Variants in CARS1 observed in about 807,000 individuals in gnomAD.
CARS1 encodes cysteine--tRNA ligase, cytoplasmic.
Under a neutral mutation model 106.2 loss-of-function variants are expected in CARS1, and 48 were observed. The observed-to-expected ratio is 0.45, with a 90% CI of 0.36 to 0.57. The LOEUF is 0.57. Among genes scored for constraint, CARS1 ranks in the 20% least tolerant of loss-of-function variants. The probability of loss-of-function intolerance (pLI) is 0.00; values close to 1 mark genes in which losing one functional copy is unlikely to be tolerated. For synonymous variants in CARS1, 409 were observed against 403.4 expected, an observed-to-expected ratio of 1.01 and a Z score of -0.17; for missense variants, 968 against 1,057.2, an observed-to-expected ratio of 0.92 and a Z score of 1.17.
chr11:3,043,988 G>A lies in CARS1; in HGVS notation c.275-1732C>T, dbSNP rs1375509539. ...AACATCATGTGCTTATTGAGGCCAA[G>A]TGCAGCTCGGCCTCAGTGTACTTTA... On this transcript the variant is annotated intron_variant, in intron 2 of 22. Coordinates refer to ENST00000380525, the MANE Select transcript of CARS1 (RefSeq NM_001014437.3). The surrounding 1 kb of genome is among the most constrained non-coding windows in gnomAD (Gnocchi z 4.0). 2.0e-5 allele frequency among the ~76,000 whole-genome samples: 3 copies of A among 152,212 alleles called. No homozygotes were observed. The highest frequency in any genetic ancestry group is 4.4e-5 in the Non-Finnish European group (3 of 68,046).
In CARS1 at chr11:3,044,429, T is replaced by A. The variant is rs79902717; in HGVS notation, c.275-2173A>T. ...GACCCTTGCCCCCCTTTTTTTTTTT[T>A]AGATAAAATCTGGCTGAAGTGCACT... On this transcript the variant is annotated intron_variant, in intron 2 of 22. Transcript: ENST00000380525. This position sits in a 1 kb window ranked among gnomAD's most constrained non-coding sequence, Gnocchi z 4.4. Among the ~76,000 whole-genome samples the A allele has an allele frequency of 3.3e-5, 5 of 151,640 alleles. No individual in the cohort carries two copies. The highest frequency in any genetic ancestry group is 1.2e-4 in the African/African-American group (5 of 41,034).
At position 3,039,827 on chromosome 11, in the gene CARS1, C is replaced by T. The variant is rs369968438; in HGVS notation, c.552+8G>A. ...CATTTAAAATTTAATCTTACAAATT[C>T]CCTTTACCTTGTCATCAATATCCGT... On this transcript the variant is annotated splice_region_variant and intron_variant, in intron 5 of 22. Coordinates refer to ENST00000380525, the MANE Select transcript of CARS1 (RefSeq NM_001014437.3). The surrounding 1 kb of genome is among the most constrained non-coding windows in gnomAD (Gnocchi z 5.6). The T allele has an allele frequency of 6.7e-5, 95 of 1,409,300 alleles. No homozygotes were observed. Among genetic ancestry groups the T allele is most frequent in the Admixed American group, 1.3e-4 (6 of 47,220 alleles). The allele number at this position is 1,409,300 out of a possible 1,614,324, so 87.3% of individuals were successfully genotyped here. A position where few individuals can be genotyped will look rare whatever the true frequency, so the allele number is the denominator to read the frequency against.
At chr11:3,032,203 G>A (rs558422370) in intron 7 of CARS1, among the ~76,000 whole-genome samples, 71 of 151,906 alleles carry the variant, frequency 4.7e-4, no homozygotes, top group Middle Eastern at 3.4e-3. Context: ...CTCCCGAGTA[G>A]AAGGGATTAC....
At position 3,029,036 on chromosome 11, in the gene CARS1, T is replaced by C; in HGVS notation, c.991A>G (p.Ile331Val). The C allele has an allele frequency of 6.2e-7, 1 of 1,614,022 alleles. No individual in the cohort carries two copies. Among genetic ancestry groups the C allele is most frequent in the Non-Finnish European group, 8.5e-7 (1 of 1,179,944 alleles). Residue 331 changes from isoleucine to valine, a missense_variant, in exon 9 of 23, where the codon ATT becomes GTT. Coordinates refer to ENST00000380525, the MANE Select transcript of CARS1 (RefSeq NM_001014437.3). This position sits in a 1 kb window ranked among gnomAD's most constrained non-coding sequence, Gnocchi z 5.9. The part of the protein sequence containing the change: ...LTRVSEYVPE[I>V]VNFVQKIVDN... ...ACAATCTTCTGGACAAAGTTCACAA[T>C]TTCTGGCACATACTCACTAACCCGG...
In CARS1 at chr11:3,043,131, G is replaced by A. The variant is rs1206280446; in HGVS notation, c.275-875C>T. ...TCCTCCTGGCCAGACTTCCCTAGTT[G>A]TTCCCCTCCACTCGCCTGTGGGCCG... On this transcript the variant is annotated intron_variant, in intron 2 of 22. Transcript: ENST00000380525. This position sits in a 1 kb window ranked among gnomAD's most constrained non-coding sequence, Gnocchi z 4.0. 1.3e-5 allele frequency among the ~76,000 whole-genome samples: 2 copies of A among 152,140 alleles called. No individual in the cohort carries two copies. Among genetic ancestry groups the A allele is most frequent in the Admixed American group, 6.5e-5 (1 of 15,274 alleles).
rs539702382 is a variant in CARS1 at position 3,023,381 on chromosome 11, A to AACAT, written c.1154-3053_1154-3050dup. On this transcript the variant is annotated intron_variant, in intron 10 of 22. Transcript: ENST00000380525. ...CATTCCATTTTTGTCTTGTTATTCA[A>AACAT]ACATACATACATACATACATACATT... Among the ~76,000 whole-genome samples the AACAT allele has an allele frequency of 1.6e-3, 244 of 152,232 alleles. 1 individual carries two copies. Among genetic ancestry groups the AACAT allele is most frequent in the Non-Finnish European group, 1.7e-3 (117 of 68,016 alleles).
rs1406172871 is a variant in CARS1, at chr11:3,052,988, G to C, written c.25+4355C>G. Among the ~76,000 whole-genome samples the C allele has an allele frequency of 6.6e-6, 1 of 152,222 alleles. No homozygotes were observed. The highest frequency in any genetic ancestry group is 1.5e-5 in the Non-Finnish European group (1 of 68,036). On this transcript the variant is annotated intron_variant, in intron 1 of 22. Coordinates refer to ENST00000380525, the MANE Select transcript of CARS1 (RefSeq NM_001014437.3). This position sits in a 1 kb window ranked among gnomAD's most constrained non-coding sequence, Gnocchi z 4.6. ...TTGCAGTTCAGTTCATCAACACATT[G>C]AGGGACATGGGAATGTCCCAAAGGT...
At position 3,048,061 on chromosome 11, in the gene CARS1, G is replaced by C; in HGVS notation, c.26-60C>G. ...CAGGCGGGCAGCCCAGAGGCCGCCA[G>C]AAAGACAGGGACTAGGGGATGGCAC... On this transcript the variant is annotated intron_variant, in intron 1 of 22. Coordinates refer to ENST00000380525, the MANE Select transcript of CARS1 (RefSeq NM_001014437.3). This position sits in a 1 kb window ranked among gnomAD's most constrained non-coding sequence, Gnocchi z 5.1. 6.3e-7 allele frequency: 1 copy of C among 1,583,062 alleles called. No individual in the cohort carries two copies. The highest frequency in any genetic ancestry group is 8.6e-7 in the Non-Finnish European group (1 of 1,161,788).
chr11:3,031,324 C>A (rs552763254), intron 7 of CARS1: 4 of 152,110 alleles, frequency 2.6e-5, no homozygotes, highest in East Asian at 1.9e-4. Flanking sequence ...ACAATGGAAG[C>A]CAGAAGACGG....
intron 17 of CARS1, 50 bp downstream of exon 17, chr11:3,015,731 G>A: frequency 1.3e-6 from 2 of 1,488,458 alleles, no homozygotes; most frequent in Non-Finnish European, 1.9e-6. Context: ...AGAGGGGTAG[G>A]GAGTGGGGAG....
chr11:3,040,882 C>G lies in CARS1; in HGVS notation c.455+14G>C, dbSNP rs770021921. On this transcript the variant is annotated intron_variant, in intron 4 of 22. Coordinates refer to ENST00000380525, the MANE Select transcript of CARS1 (RefSeq NM_001014437.3). This position sits in a 1 kb window ranked among gnomAD's most constrained non-coding sequence, Gnocchi z 5.8. ...AACTGCAGAAGCTGCAGGGACACCC[C>G]GCGGTGGACCTACCTGGCGTGCCCC... 1.2e-6 allele frequency: 2 copies of G among 1,612,460 alleles called. No individual in the cohort carries two copies. The highest frequency in any genetic ancestry group is 1.1e-5 in the South Asian group (1 of 90,786).
chr11:3,037,624 C>A lies in CARS1; in HGVS notation c.801+426G>T, dbSNP rs1239004113. On this transcript the variant is annotated intron_variant, in intron 7 of 22. Coordinates refer to ENST00000380525, the MANE Select transcript of CARS1 (RefSeq NM_001014437.3). The surrounding 1 kb of genome is among the most constrained non-coding windows in gnomAD (Gnocchi z 5.9). ...CAGGAGAGCTGGTCAACGTGAAGGC[C>A]CCAAGCTCAGTAGGTACCCACAGGC... Among the ~76,000 whole-genome samples, 1 of 152,144 alleles carries A rather than the reference C, an allele frequency of 6.6e-6. No individual in the cohort carries two copies. Among genetic ancestry groups the A allele is most frequent in the African/African-American group, 2.4e-5 (1 of 41,424 alleles).
chr11:3,038,208 A>T lies in CARS1; in HGVS notation c.652-9T>A. ...AATTTTACTGAAAATGGCTGCAACC[A>T]TAAAGAGACGTCAAATCTATTAGAT... On this transcript the variant is annotated splice_polypyrimidine_tract_variant and intron_variant, in intron 6 of 22. Transcript: ENST00000380525. This position sits in a 1 kb window ranked among gnomAD's most constrained non-coding sequence, Gnocchi z 4.0. 1 of 1,613,184 alleles carries T rather than the reference A, an allele frequency of 6.2e-7. No homozygotes were observed. Among genetic ancestry groups the T allele is most frequent in the Non-Finnish European group, 8.5e-7 (1 of 1,179,228 alleles).
At chr11:3,007,060 G>T in intron 18 of CARS1, 101 bp from the exon 19 acceptor site, 2 of 933,898 alleles carry the variant, frequency 2.1e-6, no homozygotes, top group Non-Finnish European at 3.4e-6. Context: ...GTGGCCCACA[G>T]AACAAGTGCC....
Position 3,001,258 on chromosome 11 carries a change from C to G in CARS1, c.2362-10G>C. ...CATGTGTGGGCAGACCCTGAAAACC[C>G]AGAGCACAGCGGCTATTGGTCTCCT... On this transcript the variant is annotated splice_polypyrimidine_tract_variant and intron_variant, in intron 22 of 22. Transcript: ENST00000380525. The G allele has an allele frequency of 6.2e-7, 1 of 1,612,780 alleles. No homozygotes were observed. The highest frequency in any genetic ancestry group is 8.5e-7 in the Non-Finnish European group (1 of 1,179,984).
Position 3,003,465 on chromosome 11 carries a change from A to G in CARS1, c.2218-865T>C, listed in dbSNP as rs978220019. Reference sequence around the variant, plus strand: ...TCCTGGCCCAGTGGAGCTATCAGGTAGGCAGCTGGGCAAACTGTTTTTGGG... The same window carrying G: ...TCCTGGCCCAGTGGAGCTATCAGGTGGGCAGCTGGGCAAACTGTTTTTGGG... On this transcript the variant is annotated intron_variant, in intron 20 of 22. Coordinates refer to ENST00000380525, the MANE Select transcript of CARS1 (RefSeq NM_001014437.3). This position sits in a 1 kb window ranked among gnomAD's most constrained non-coding sequence, Gnocchi z 4.8. 2.0e-5 allele frequency among the ~76,000 whole-genome samples: 3 copies of G among 152,198 alleles called. No homozygotes were observed. The highest frequency in any genetic ancestry group is 2.9e-5 in the Non-Finnish European group (2 of 68,024).
At position 3,041,137 on chromosome 11, in the gene CARS1, T is replaced by C. The variant is rs1854395258; in HGVS notation, c.367-153A>G. On this transcript the variant is annotated intron_variant, in intron 3 of 22. Transcript: ENST00000380525. This position sits in a 1 kb window ranked among gnomAD's most constrained non-coding sequence, Gnocchi z 4.9. ...TGTTTTACTGTGAAAAGTCACAGTC[T>C]CAGTGGGAGCCCAGTGAGATGTACG... 2.4e-6 allele frequency: 3 copies of C among 1,256,780 alleles called. No individual in the cohort carries two copies. The highest frequency in any genetic ancestry group is 3.3e-6 in the Non-Finnish European group (3 of 906,634). The allele number at this position is 1,256,780 out of a possible 1,614,324, so 77.9% of individuals were successfully genotyped here.
At position 3,048,545 on chromosome 11, in the gene CARS1, T is replaced by C. The variant is rs1855345627; in HGVS notation, c.26-544A>G. ...ATGTTACGAGAATTTAACCTCAATT[T>C]TTAAAAACTCACAACAGAAATCCCC... On this transcript the variant is annotated intron_variant, in intron 1 of 22. Transcript: ENST00000380525. The surrounding 1 kb of genome is among the most constrained non-coding windows in gnomAD (Gnocchi z 5.1). The C allele has an allele frequency of 6.6e-6, 1 of 152,298 alleles. No individual in the cohort carries two copies. The highest frequency in any genetic ancestry group is 1.5e-5 in the Non-Finnish European group (1 of 68,138). 9.4% of individuals were successfully genotyped at this position (152,298 alleles called of 1,614,324 possible).
chr11:3,010,611 G>GTGGCAGCC (rs1362151480), intron 18 of CARS1, among the ~76,000 whole-genome samples: 1 of 152,140 alleles, frequency 6.6e-6, no homozygotes, highest in Non-Finnish European at 1.5e-5. Flanking sequence ...CAGAGCACTT[G>GTGGCAGCC]TGGCAGCCCA....
Sources: allele counts gnomAD v4.1 joint callset (sites outside exome capture counted in the v4.1 genomes callset), GRCh38; gene constraint gnomAD v4.1.1; non-coding constraint Gnocchi (gnomAD v3.1); transcripts MANE v1.5; gene names NCBI Gene and HGNC (gene_info 2026-07-23, HGNC 2026-07-21).